CMTR1: variants seen among roughly 807,000 people sequenced by gnomAD.
CMTR1 encodes cap-specific mRNA (nucleoside-2'-O-)-methyltransferase 1.
A neutral mutation model predicts 107.0 loss-of-function variants in CMTR1; 39 were observed. The observed-to-expected ratio is 0.36, with a 90% CI of 0.28 to 0.48. The LOEUF is 0.48. CMTR1 is among the 20% of genes least tolerant of loss of function. CMTR1 has a pLI of 0.99. For missense variants in CMTR1, 672 were observed against 1,064.9 expected, an observed-to-expected ratio of 0.63 and a Z score of 5.14; for synonymous variants, 366 against 379.5, an observed-to-expected ratio of 0.96 and a Z score of 0.41.
At chr6:37,434,780 T>G (rs971535926) in intron 1 of CMTR1, among the ~76,000 whole-genome samples, 7 of 152,140 alleles carry the variant, frequency 4.6e-5, no homozygotes, top group African/African-American at 1.7e-4. Context: ...GGCTAATTTT[T>G]GTGTTTTTTT....
the CMTR1 span, among the ~76,000 whole-genome samples, chr6:37,426,692 C>T: frequency 7.2e-5 from 11 of 152,264 alleles, no homozygotes; most frequent in Non-Finnish European, 1.3e-4. Context: ...CACCACCACA[C>T]GTGGCCAATT....
chr6:37,427,797 A>G, the CMTR1 span, among the ~76,000 whole-genome samples: 1 of 151,964 alleles, frequency 6.6e-6, no homozygotes, highest in African/African-American at 2.4e-5. This position sits in a 1 kb window ranked among gnomAD's most constrained non-coding sequence, Gnocchi z 4.4. Context: ...GTTTTTCTTC[A>G]TCTGAGAATC....
intron 13 of CMTR1, among the ~76,000 whole-genome samples, chr6:37,466,136 C>T (rs1344639159): frequency 4.0e-5 from 4 of 100,436 alleles, no homozygotes; most frequent in South Asian, 3.3e-4. Flanking sequence ...TTTTTTGAAA[C>T]GGAGTCTTGC....
At position 37,446,314 on chromosome 6, in the gene CMTR1, T is replaced by G. The variant is rs1310965490; in HGVS notation, c.309T>G (p.Gly103=). 2 of 1,614,016 alleles carry G rather than the reference T, an allele frequency of 1.2e-6. No homozygotes were observed. The highest frequency in any genetic ancestry group is 1.7e-5 in the Admixed American group (1 of 60,008). ...AGGCCAAGATGGGCTTCAGGGAAGG[T>G]GAAGGATTGGGTAAATACAGCCAGG... ...KLMAKMGFRE[G]EGLGKYSQGR... The change falls in exon 4 of 24, where the codon GGT becomes GGG. Residue 103 remains glycine (G), a synonymous_variant. Coordinates refer to ENST00000373451, the MANE Select transcript of CMTR1 (RefSeq NM_015050.3).
intron 6 of CMTR1, among the ~76,000 whole-genome samples, chr6:37,452,583 G>C (rs1761203829): frequency 6.6e-6 from 1 of 152,172 alleles, no homozygotes; most frequent in South Asian, 2.1e-4. Context: ...AAATTGGTCA[G>C]GGGAGTTTGA....
At chr6:37,434,892 G>A (rs1265025014) in intron 1 of CMTR1, among the ~76,000 whole-genome samples, 4 of 152,184 alleles carry the variant, frequency 2.6e-5, no homozygotes, top group Non-Finnish European at 5.9e-5. Context: ...GATTACAGGC[G>A]TGAGCCACCG....
rs1288428822 is a variant in CMTR1, at chr6:37,461,646, G to A, written c.1192+1G>A. The A allele has an allele frequency of 1.3e-6, 2 of 1,586,934 alleles. No homozygotes were observed. Among genetic ancestry groups the A allele is most frequent in the Admixed American group, 1.7e-5 (1 of 57,686 alleles). Reference sequence around the variant, plus strand: ...ATGGCGCTGTCCATTGTCCGGACAGGTGACACTTCCTCAGCTGTCTCCTCA... The same window carrying A: ...ATGGCGCTGTCCATTGTCCGGACAGATGACACTTCCTCAGCTGTCTCCTCA... On this transcript the variant is annotated splice_donor_variant, in intron 11 of 23. Transcript: ENST00000373451. LOFTEE classifies it high-confidence loss of function.
the CMTR1 span, among the ~76,000 whole-genome samples, chr6:37,424,147 T>C: frequency 6.6e-6 from 1 of 152,132 alleles, no homozygotes; most frequent in East Asian, 1.9e-4. Flanking sequence ...GGCTGCTCTT[T>C]GTTAGAAAAG....
intron 10 of CMTR1, among the ~76,000 whole-genome samples, 158 bp downstream of exon 10, chr6:37,459,842 T>A (rs555683141): frequency 2.0e-5 from 3 of 152,378 alleles, no homozygotes; most frequent in South Asian, 2.1e-4. Flanking sequence ...ATACATTTTT[T>A]AAATGATAAT....
chr6:37,452,991 C>G, intron 6 of CMTR1, 56 bp from the exon 7 acceptor site: 1 of 1,535,148 alleles, frequency 6.5e-7, no homozygotes, highest in Non-Finnish European at 9.0e-7. Flanking sequence ...ACTGCAGGGT[C>G]TTAAGGTCCC....
intron 5 of CMTR1, 147 bp downstream of exon 5, chr6:37,450,490 GA>G (rs1771927397): frequency 9.2e-6 from 6 of 652,848 alleles, no homozygotes; most frequent in Admixed American, 7.0e-5. Flanking sequence ...TGTCAAGAGG[GA>G]GTGTCATGAG....
chr6:37,452,016 A>G (rs978645588), intron 6 of CMTR1, 139 bp downstream of exon 6: 7 of 642,342 alleles, frequency 1.1e-5, no homozygotes, highest in Non-Finnish European at 1.9e-5. Flanking sequence ...AGCTTGGTTC[A>G]TATCTGCAAA....
intron 10 of CMTR1, 107 bp from the exon 11 acceptor site, chr6:37,461,442 G>A (rs1470687849): frequency 1.6e-6 from 1 of 613,298 alleles, no homozygotes; most frequent in Non-Finnish European, 2.9e-6. Context: ...ATCAGATGGT[G>A]ATCAGTGAAA....
intron 13 of CMTR1, among the ~76,000 whole-genome samples, chr6:37,467,539 T>A (rs1409225391): frequency 1.3e-5 from 2 of 152,234 alleles, no homozygotes; most frequent in Non-Finnish European, 2.9e-5. Flanking sequence ...GTACTTATTC[T>A]GTTAACTGCT....
At chr6:37,449,498 G>T (rs1040730630) in intron 4 of CMTR1, among the ~76,000 whole-genome samples, 1 of 151,892 alleles carries the variant, frequency 6.6e-6, no homozygotes, top group Non-Finnish European at 1.5e-5. Context: ...TAGTAGAGAC[G>T]GGGTTTCACC....
upstream of CMTR1, among the ~76,000 whole-genome samples, chr6:37,432,102 G>C (rs1771392826): frequency 6.6e-6 from 1 of 152,198 alleles, no homozygotes; most frequent in African/African-American, 2.4e-5. Flanking sequence ...ACAGGTGTGA[G>C]CCACCGCGCC....
intron 4 of CMTR1, among the ~76,000 whole-genome samples, chr6:37,447,117 C>G (rs943253061): frequency 6.6e-6 from 1 of 152,182 alleles, no homozygotes. Flanking sequence ...CTAAAAATAA[C>G]ATTGAGATAT....
At chr6:37,439,424 C>T (rs978660709) in intron 2 of CMTR1, among the ~76,000 whole-genome samples, 1 of 152,192 alleles carries the variant, frequency 6.6e-6, no homozygotes, top group African/African-American at 2.4e-5. Flanking sequence ...CCTGCTGCAG[C>T]CAGTTGCTTT....
At chr6:37,442,625 C>T (rs1056059890) in intron 2 of CMTR1, among the ~76,000 whole-genome samples, 2 of 152,172 alleles carry the variant, frequency 1.3e-5, no homozygotes, top group African/African-American at 4.8e-5. Context: ...GCCAATGACA[C>T]TGGTGTTACT....
Sources: gnomAD v4.1 joint callset for allele counts (sites outside exome capture counted in the v4.1 genomes callset) on GRCh38, gnomAD v4.1.1 for gene constraint, Gnocchi (gnomAD v3.1) non-coding constraint, MANE v1.5 for transcripts, NCBI Gene and HGNC (gene_info 2026-07-23, HGNC 2026-07-21) for gene names.